RFX3: variants seen among roughly 807,000 people sequenced by gnomAD.
The protein encoded by RFX3 is transcription factor RFX3.
Under a neutral mutation model 98.6 loss-of-function variants are expected in RFX3, and 14 were observed. The observed-to-expected ratio is 0.14, with a 90% CI of 0.09 to 0.22. RFX3 has a LOEUF of 0.22. RFX3 is among the 10% of genes least tolerant of loss of function. RFX3 has a pLI of 1.00. For missense variants in RFX3, 639 were observed against 926.9 expected (o/e 0.69, Z 4.03); for synonymous variants, 383 against 328.4 (o/e 1.17, Z -1.80).
At position 3,524,833 on chromosome 9, in the gene RFX3, AC is replaced by A. The variant is rs1819065709; in HGVS notation, c.-9+913del. Among the ~76,000 whole-genome samples, 3 of 31,592 alleles carry A rather than the reference AC, an allele frequency of 9.5e-5. No homozygotes were observed. The African/African-American group carries it at 1.2e-3, about 13-fold the overall frequency. 20.7% of individuals were successfully genotyped at this position (31,592 alleles called of 152,430 possible). On this transcript the variant is annotated intron_variant, in intron 1 of 16. Coordinates refer to ENST00000617270, the MANE Select transcript of RFX3 (RefSeq NM_001282116.2). ...CATCCGGTTTAAATCACAAGCACAC[AC>A]ACACACACACACACACACACACACA...
intron 1 of RFX3, among the ~76,000 whole-genome samples, chr9:3,515,415 GA>G (rs1481654458): frequency 6.6e-6 from 1 of 152,132 alleles, no homozygotes. Flanking sequence ...AGTAGGTAAG[GA>G]AAGAAATCTG....
rs143566006 is a variant in RFX3, at chr9:3,366,692, TC to T, written c.118-19929del. Reference sequence around the variant, plus strand: ...TCTTTCTCTTTCTTTCTTCTTTCTTTCCTTTCTTTCTTTCTTTCTTTCTTTC... The same window carrying T: ...TCTTTCTCTTTCTTTCTTCTTTCTTTCTTTCTTTCTTTCTTTCTTTCTTTC... On this transcript the variant is annotated intron_variant, in intron 2 of 16. Transcript: ENST00000617270. 1.0e-3 allele frequency among the ~76,000 whole-genome samples: 92 copies of T among 91,202 alleles called. 2 individuals are homozygous for T. Among genetic ancestry groups the T allele is most frequent in the African/African-American group, 3.4e-3 (75 of 22,032 alleles). The allele number at this position is 91,202 out of a possible 152,430, so 59.8% of individuals were successfully genotyped here. A position where few individuals can be genotyped will look rare whatever the true frequency, so the allele number is the denominator to read the frequency against.
At chr9:3,395,935 T>C (rs941370729) in intron 1 of RFX3, among the ~76,000 whole-genome samples, 1 of 152,190 alleles carries the variant, frequency 6.6e-6, no homozygotes, top group African/African-American at 2.4e-5. Flanking sequence ...ATGTTCTTAA[T>C]TCTCAGAACA....
intron 1 of RFX3, among the ~76,000 whole-genome samples, chr9:3,496,674 A>T (rs963214299): frequency 6.6e-6 from 1 of 152,006 alleles, no homozygotes; most frequent in African/African-American, 2.4e-5. Context: ...TTTTTACATT[A>T]AAAATCTGGG....
intron 1 of RFX3, among the ~76,000 whole-genome samples, chr9:3,418,361 T>C (rs1268867029): frequency 6.6e-6 from 1 of 152,204 alleles, no homozygotes; most frequent in Non-Finnish European, 1.5e-5. Flanking sequence ...CATTGATTTA[T>C]AAATACTTGA....
At chr9:3,518,080 T>C (rs911485076) in intron 1 of RFX3, among the ~76,000 whole-genome samples, 3 of 152,206 alleles carry the variant, frequency 2.0e-5, no homozygotes, top group Non-Finnish European at 2.9e-5. Flanking sequence ...TCCAATAACA[T>C]GCTACGCAGG....
intron 1 of RFX3, among the ~76,000 whole-genome samples, chr9:3,431,348 A>C (rs1284580234): frequency 1.3e-5 from 2 of 152,214 alleles, no homozygotes; most frequent in Non-Finnish European, 2.9e-5. Flanking sequence ...GTTACATTAC[A>C]ACAAAAAGTT....
At chr9:3,295,816 G>C (rs1342866112) in intron 5 of RFX3, among the ~76,000 whole-genome samples, 2 of 151,832 alleles carry the variant, frequency 1.3e-5, no homozygotes, top group Non-Finnish European at 2.9e-5. Flanking sequence ...TTTTTTTAAA[G>C]AAATGGAATT....
intron 14 of RFX3, among the ~76,000 whole-genome samples, chr9:3,255,466 G>A (rs1822005320): frequency 6.6e-6 from 1 of 152,184 alleles, no homozygotes; most frequent in South Asian, 2.1e-4. Context: ...ACCACTTTCT[G>A]ATATGTGCAT....
chr9:3,325,291 C>A (rs1831786158), intron 4 of RFX3, among the ~76,000 whole-genome samples: 1 of 152,058 alleles, frequency 6.6e-6, no homozygotes, highest in Admixed American at 6.5e-5. Context: ...TAAAAGCACT[C>A]ATAATTCTTA....
At chr9:3,334,520 C>T (rs1263813619) in intron 3 of RFX3, among the ~76,000 whole-genome samples, 1 of 151,994 alleles carries the variant, frequency 6.6e-6, no homozygotes, top group African/African-American at 2.4e-5. Flanking sequence ...TCTATATAGC[C>T]CTCAAAGTCA....
At position 3,525,858 on chromosome 9, in the gene RFX3, T is replaced by C; in HGVS notation, c.-120A>G. The C allele has an allele frequency of 1.0e-6, 1 of 985,136 alleles. No individual in the cohort carries two copies. Among genetic ancestry groups the C allele is most frequent in the Non-Finnish European group, 1.2e-6 (1 of 829,800 alleles). The allele number at this position is 985,136 out of a possible 1,614,324, so 61.0% of individuals were successfully genotyped here. A position where few individuals can be genotyped will look rare whatever the true frequency, so the allele number is the denominator to read the frequency against. ...GAGAGGAGTAGTTGTTGTTGATGGG[T>C]AACAGTCGCCAGGACTACGGTGACT... is the stretch of plus-strand genomic sequence containing the variant. On this transcript the variant is annotated 5_prime_UTR_variant, in exon 1 of 17. Transcript: ENST00000617270.
At chr9:3,243,111 T>A (rs1157148211) in intron 15 of RFX3, among the ~76,000 whole-genome samples, 2 of 151,982 alleles carry the variant, frequency 1.3e-5, no homozygotes, top group African/African-American at 2.4e-5. Context: ...TTCTGCTCAA[T>A]TTGTCTGGTC....
intron 1 of RFX3, among the ~76,000 whole-genome samples, chr9:3,421,509 G>C (rs1843437229): frequency 6.6e-6 from 1 of 152,180 alleles, no homozygotes; most frequent in Non-Finnish European, 1.5e-5. Context: ...ATGACAGAAG[G>C]TGCGTGCATT....
chr9:3,505,244 A>ATATATATGAATATATATTTATT (rs1816859668), intron 1 of RFX3, among the ~76,000 whole-genome samples: 1 of 74,246 alleles, frequency 1.3e-5, no homozygotes, highest in African/African-American at 8.8e-5. Flanking sequence ...ATATATTTAT[A>ATATATATGAATATATATTTATT]TATATATGAA....
chr9:3,378,884 T>A (rs1838861396), intron 2 of RFX3, among the ~76,000 whole-genome samples: 1 of 152,156 alleles, frequency 6.6e-6, no homozygotes, highest in Non-Finnish European at 1.5e-5. Context: ...TAAGTCTTGT[T>A]GCACTAACCT....
intron 1 of RFX3, among the ~76,000 whole-genome samples, chr9:3,396,999 G>T (rs1248110368): frequency 6.6e-6 from 1 of 152,138 alleles, no homozygotes; most frequent in South Asian, 2.1e-4. Context: ...ATCAAAATTC[G>T]ATTATAGTCT....
At chr9:3,243,131 T>C (rs988627173) in intron 15 of RFX3, among the ~76,000 whole-genome samples, 1 of 151,992 alleles carries the variant, frequency 6.6e-6, no homozygotes, top group Non-Finnish European at 1.5e-5. Flanking sequence ...CAGAGTTGTA[T>C]GGAAAGCTTT....
chr9:3,518,856 T>C (rs1363554333), intron 1 of RFX3, among the ~76,000 whole-genome samples: 1 of 152,206 alleles, frequency 6.6e-6, no homozygotes, highest in Admixed American at 6.5e-5. Context: ...CCAAAATTAT[T>C]TATTGCTGTA....
Sources: allele counts gnomAD v4.1 joint callset (sites outside exome capture counted in the v4.1 genomes callset), GRCh38; gene constraint gnomAD v4.1.1; transcripts MANE v1.5; gene names NCBI Gene and HGNC (gene_info 2026-07-23, HGNC 2026-07-21).